The following RUNX1 variants were observed in gnomAD, a reference collection of about 807,000 sequenced individuals.
RUNX1 encodes the protein RUNX family transcription factor 1, also known as runt-related transcription factor 1.
In RUNX1, 19 loss-of-function variants were observed where a neutral mutation model predicts 42.8. The observed-to-expected ratio is 0.44, with a 90% confidence interval of 0.31 to 0.65. The LOEUF is 0.65. Ranked by LOEUF, RUNX1 falls within the 30% of genes least tolerant of loss-of-function variation. RUNX1 has a pLI of 0.07. For missense variants in RUNX1, 528 were observed against 672.0 expected, an observed-to-expected ratio of 0.79 and a Z score of 2.37; for synonymous variants, 271 against 289.4, an observed-to-expected ratio of 0.94 and a Z score of 0.64.
intron 2 of RUNX1, among the ~76,000 whole-genome samples, chr21:34,931,335 T>TA (rs2058443285): frequency 1.4e-5 from 2 of 141,836 alleles, no homozygotes; most frequent in Admixed American, 1.4e-4. Flanking sequence ...TATATACACA[T>TA]TTATATATAT....
chr21:34,897,930 A>G (rs1231903917), intron 2 of RUNX1, among the ~76,000 whole-genome samples: 1 of 152,176 alleles, frequency 6.6e-6, no homozygotes, highest in East Asian at 1.9e-4. Flanking sequence ...GACTCATGCA[A>G]CAGAGAGATT....
chr21:34,834,632 G>A (rs1467877605), intron 6 of RUNX1, 31 bp from the exon 7 acceptor site: 4 of 1,513,028 alleles, frequency 2.6e-6, no homozygotes. Flanking sequence ...GGGAGGGGAT[G>A]GGGGGAGGGA....
chr21:34,818,183 C>T (rs928743111), intron 7 of RUNX1, among the ~76,000 whole-genome samples: 6 of 152,204 alleles, frequency 3.9e-5, no homozygotes, highest in East Asian at 3.9e-4. Context: ...TGCGCCCCTG[C>T]CTATTCACCC....
chr21:34,945,512 C>G (rs932291882), intron 2 of RUNX1, among the ~76,000 whole-genome samples: 3 of 152,206 alleles, frequency 2.0e-5, no homozygotes, highest in African/African-American at 7.2e-5. Context: ...CAGGAACCTG[C>G]TTTTTACTCC....
chr21:34,816,927 A>G (rs750897199), intron 7 of RUNX1, among the ~76,000 whole-genome samples: 4 of 152,196 alleles, frequency 2.6e-5, no homozygotes, highest in Admixed American at 6.5e-5. Flanking sequence ...AGGCATGGCT[A>G]GAGAAGGAGA....
intron 3 of RUNX1, chr21:34,888,667 C>G: frequency 9.6e-7 from 1 of 1,045,554 alleles, no homozygotes; most frequent in Non-Finnish European, 1.2e-6. Flanking sequence ...GGCGCCCGTC[C>G]CGCCCGCGCC....
chr21:34,797,962 C>T (rs899046771), intron 8 of RUNX1: 1 of 450,688 alleles, frequency 2.2e-6, no homozygotes, highest in Non-Finnish European at 4.5e-6. Flanking sequence ...TCAGGACAGA[C>T]CCCCCCCAAC....
chr21:35,048,489 C>T (rs12627198), intron 2 of RUNX1, among the ~76,000 whole-genome samples: 25,184 of 152,146 alleles, frequency 0.17, 2,220 homozygotes, highest in East Asian at 0.34. Context: ...ACAGGCATTC[C>T]GGGCAAGGGA....
chr21:34,898,335 A>G (rs748292244), intron 2 of RUNX1, among the ~76,000 whole-genome samples: 11 of 152,060 alleles, frequency 7.2e-5, no homozygotes, highest in Non-Finnish European at 1.6e-4. Context: ...TAAGCTTGGC[A>G]ATTTGCTCGT....
intron 5 of RUNX1, among the ~76,000 whole-genome samples, chr21:34,865,297 T>C (rs2057643742): frequency 7.0e-6 from 1 of 142,098 alleles, no homozygotes; most frequent in Non-Finnish European, 1.5e-5. Flanking sequence ...TGTGTGTGTG[T>C]GTGTGTGTGT....
intron 7 of RUNX1, among the ~76,000 whole-genome samples, chr21:34,832,467 A>G (rs1282934990): frequency 6.6e-6 from 1 of 152,240 alleles, no homozygotes; most frequent in African/African-American, 2.4e-5. Context: ...TTCCCATATC[A>G]GCAGAAAAAG....
chr21:34,859,726 A>G (rs1451555094), intron 5 of RUNX1, 148 bp from the exon 6 acceptor site: 2 of 739,830 alleles, frequency 2.7e-6, no homozygotes, highest in Admixed American at 2.0e-5. Context: ...CTTTGCTTCA[A>G]TTCTGGAATA....
intron 2 of RUNX1, among the ~76,000 whole-genome samples, chr21:35,003,186 G>T (rs2059058867): frequency 6.6e-6 from 1 of 152,208 alleles, no homozygotes; most frequent in Non-Finnish European, 1.5e-5. Context: ...GTCTGAAAAA[G>T]TCATCAGTGT....
chr21:34,995,244 C>T (rs931898140), intron 2 of RUNX1, among the ~76,000 whole-genome samples: 1 of 152,134 alleles, frequency 6.6e-6, no homozygotes, highest in Non-Finnish European at 1.5e-5. Context: ...ACTCTCTGAC[C>T]CTTTCAGCTC....
intron 2 of RUNX1, among the ~76,000 whole-genome samples, chr21:34,937,195 A>G (rs978392177): frequency 2.0e-5 from 3 of 152,118 alleles, no homozygotes; most frequent in Non-Finnish European, 4.4e-5. Context: ...GACTTATGCA[A>G]CATTCTCTGT....
intron 2 of RUNX1, among the ~76,000 whole-genome samples, chr21:35,028,215 T>C (rs891587600): frequency 7.9e-5 from 12 of 152,198 alleles, no homozygotes; most frequent in African/African-American, 1.7e-4. Context: ...GCTATTAAGA[T>C]GCAGATTCTT....
rs1266842690 is a variant in RUNX1 at position 34,887,024 on chromosome 21, G to C, written c.170C>G (p.Pro57Arg). 4 of 1,601,760 alleles carry C rather than the reference G, an allele frequency of 2.5e-6. No homozygotes were observed. The highest frequency in any genetic ancestry group is 3.4e-6 in the Non-Finnish European group (4 of 1,178,592). ...AGCGCCGGCGTCCGGGGCGCCCAGC[G>C]GCAACGCCTCGCTCATCTTGCCTGG... ...LSPGKMSEAL[P>R]LGAPDAGAAL... The change falls in exon 4 of 9, where the codon CCG becomes CGG. Residue 57 changes from proline to arginine, a missense_variant. Around this residue, in one of 3 missense-constraint regions of RUNX1, gnomAD observed 114 missense variants for 115.0 expected, o/e 0.99. Coordinates refer to ENST00000675419, the MANE Select transcript of RUNX1 (RefSeq NM_001754.5).
At chr21:34,856,001 A>G (rs1486600396) in intron 6 of RUNX1, among the ~76,000 whole-genome samples, 1 of 152,240 alleles carries the variant, frequency 6.6e-6, no homozygotes, top group African/African-American at 2.4e-5. Context: ...TATGAGAAAA[A>G]CAAGTTTTGA....
At chr21:34,908,424 TC>T (rs1323369947) in intron 2 of RUNX1, among the ~76,000 whole-genome samples, 2 of 151,972 alleles carry the variant, frequency 1.3e-5, no homozygotes, top group African/African-American at 4.8e-5. Context: ...CAAAATGTCC[TC>T]GGGGAAAAAA....
Sources: gnomAD v4.1 joint callset for allele counts (sites outside exome capture counted in the v4.1 genomes callset) on GRCh38, gnomAD v4.1.1 for gene constraint, gnomAD v4.1.1 regional missense constraint, MANE v1.5 for transcripts, NCBI Gene and HGNC (gene_info 2026-07-23, HGNC 2026-07-21) for gene names.